The following PCNA variants were observed in gnomAD, a reference collection of about 807,000 sequenced individuals.
PCNA encodes DNA sliding clamp PCNA.
Under a neutral mutation model 27.8 loss-of-function variants are expected in PCNA, and 4 were observed. The ratio of observed to expected loss-of-function variants is 0.14; its 90% CI spans 0.07 to 0.33. PCNA has a LOEUF of 0.33. Ranked by LOEUF, PCNA falls within the 10% of genes least tolerant of loss-of-function variation. The pLI is 1.00. For missense variants in PCNA, 165 were observed against 327.4 expected (o/e 0.50, Z 3.83); for synonymous variants, 121 against 119.4 (o/e 1.01, Z -0.09).
At position 5,118,686 on chromosome 20, in the gene PCNA, A is replaced by G; in HGVS notation, c.320-9T>C. On this transcript the variant is annotated splice_polypyrimidine_tract_variant and intron_variant, in intron 2 of 5. Transcript: ENST00000379143. Reference sequence around the variant, plus strand: ...TGAAACTTTCTCCTGGTCTACCAAAAGAAAGCAGATGCTTTTGAGAAATAC... The same window carrying G: ...TGAAACTTTCTCCTGGTCTACCAAAGGAAAGCAGATGCTTTTGAGAAATAC... 1 of 1,613,290 alleles carries G rather than the reference A, an allele frequency of 6.2e-7. No individual in the cohort carries two copies. Among genetic ancestry groups the G allele is most frequent in the Non-Finnish European group, 8.5e-7 (1 of 1,179,178 alleles).
chr20:5,119,832 G>A lies in PCNA; in HGVS notation c.-34C>T. 3 of 1,510,092 alleles carry A rather than the reference G, an allele frequency of 2.0e-6. No homozygotes were observed. Among genetic ancestry groups the A allele is most frequent in the Non-Finnish European group, 2.7e-6 (3 of 1,111,066 alleles). The allele number at this position is 1,510,092 out of a possible 1,614,324, so 93.5% of individuals were successfully genotyped here. A position where few individuals can be genotyped will look rare whatever the true frequency, so the allele number is the denominator to read the frequency against. ...AGTGGCAACAACGCCGCTACAGGCA[G>A]GCGGGAAGGAGGAAAGTCTAGCTGG... On this transcript the variant is annotated 5_prime_UTR_variant, in exon 1 of 6. Transcript: ENST00000379143.
At chr20:5,119,331 A>G (rs1352655148) in intron 1 of PCNA, among the ~76,000 whole-genome samples, 1 of 152,184 alleles carries the variant, frequency 6.6e-6, no homozygotes. Context: ...GCACTGCGGA[A>G]AAACCCTTGA....
At chr20:5,118,459 G>T in intron 3 of PCNA, 151 bp downstream of exon 3, 1 of 609,240 alleles carries the variant, frequency 1.6e-6, no homozygotes, top group Non-Finnish European at 2.9e-6. Context: ...TTGAGCCCAG[G>T]AATCCCAGGT....
intron 3 of PCNA, 31 bp downstream of exon 3, chr20:5,118,579 G>C (rs538013831): frequency 7.0e-7 from 1 of 1,430,568 alleles, no homozygotes; most frequent in Admixed American, 1.7e-5. Context: ...CCTGTGTACA[G>C]CACTCTCTAC....
Position 5,125,236 on chromosome 20 carries a change from C to CAT in PCNA, c.-117+1262_-117+1263dup, listed in dbSNP as rs1396351915. ...ACACCTGTAGTCCAAGCTACTCGGG[C>CAT]ATATACTCATATAGAAATCAGGAAT... On this transcript the variant is annotated intron_variant, in intron 1 of 6. Transcript: ENST00000379160. 5.3e-5 allele frequency among the ~76,000 whole-genome samples: 8 copies of CAT among 152,298 alleles called. No individual in the cohort carries two copies. The East Asian group carries it at 1.5e-3, about 29-fold the overall frequency.
In PCNA at chr20:5,118,821, T is replaced by A; in HGVS notation, c.267A>T (p.Thr89=). ...TATCCGCGTTATCTTCGGCCCTTAG[T>A]GTAATGATATCTTCATTGCCGGCGC... ...LKCAGNEDII[T]LRAEDNADTL... The change falls in exon 2 of 6, where the codon ACA becomes ACT. Residue 89 remains threonine (T), a synonymous_variant. Coordinates refer to ENST00000379143, the MANE Select transcript of PCNA (RefSeq NM_182649.2). 1 of 1,614,050 alleles carries A rather than the reference T, an allele frequency of 6.2e-7. No homozygotes were observed. Among genetic ancestry groups the A allele is most frequent in the Non-Finnish European group, 8.5e-7 (1 of 1,179,916 alleles).
chr20:5,123,716 T>G (rs2090529886), upstream of PCNA, among the ~76,000 whole-genome samples: 1 of 151,904 alleles, frequency 6.6e-6, no homozygotes, highest in Admixed American at 6.6e-5. Context: ...AAAAGACTTT[T>G]CCTAATAATT....
At chr20:5,119,404 C>G (rs1044278021) in intron 1 of PCNA, among the ~76,000 whole-genome samples, 174 bp downstream of exon 1, 1 of 152,262 alleles carries the variant, frequency 6.6e-6, no homozygotes, top group African/African-American at 2.4e-5. Flanking sequence ...CAGCAGCCAG[C>G]GCGGGCTTTT....
rs3730435 is a variant in PCNA at position 5,116,651 on chromosome 20, C to T, written c.582+819G>A. Among the ~76,000 whole-genome samples, 64 of 152,166 alleles carry T rather than the reference C, an allele frequency of 4.2e-4. 1 individual carries two copies. In the South Asian group the frequency reaches 6.6e-3, roughly 16 times the overall value. The stretch of plus-strand genomic sequence containing the variant: ...AAGTTTTAATTTATGCCCAGGTTAG[C>T]GAGTTTTTTTTGTTTGTTTAAGATG... On this transcript the variant is annotated intron_variant, in intron 4 of 5. Transcript: ENST00000379143.
chr20:5,115,436 T>C lies in PCNA; in HGVS notation c.706+13A>G. 3 of 1,614,004 alleles carry C rather than the reference T, an allele frequency of 1.9e-6. No individual in the cohort carries two copies. Among genetic ancestry groups the C allele is most frequent in the Non-Finnish European group, 2.5e-6 (3 of 1,179,924 alleles). On this transcript the variant is annotated intron_variant, in intron 5 of 5. Coordinates refer to ENST00000379143, the MANE Select transcript of PCNA (RefSeq NM_182649.2). ...GACTACCTACAAAACAAGGTTCAAATTTATTATCTTACCAAGGGGTACATC... is the reference window on the plus strand; with the variant it reads ...GACTACCTACAAAACAAGGTTCAAACTTATTATCTTACCAAGGGGTACATC...
At chr20:5,124,673 AAGAG>A (rs1218127537), upstream of PCNA, among the ~76,000 whole-genome samples, 5 of 151,852 alleles carry the variant, frequency 3.3e-5, no homozygotes, top group Non-Finnish European at 7.4e-5. Flanking sequence ...AAAAAACGAA[AAGAG>A]AGAGAGAGAA....
chr20:5,124,256 C>T (rs1318155463), upstream of PCNA, among the ~76,000 whole-genome samples: 2 of 152,172 alleles, frequency 1.3e-5, no homozygotes, highest in African/African-American at 2.4e-5. Context: ...TAGAATTTTA[C>T]TTATTCTTTG....
At chr20:5,121,885 C>T (rs2090520435), upstream of PCNA, among the ~76,000 whole-genome samples, 1 of 152,072 alleles carries the variant, frequency 6.6e-6, no homozygotes, top group African/African-American at 2.4e-5. Context: ...ATCGGTCTCC[C>T]AAAGTGTGAG....
rs920539962 is a variant in PCNA, at chr20:5,119,014, T to A, written c.222-148A>T. ...AGCGGACTGCTGGAGGATGCCATTA[T>A]TAATGCAGACGTTTTGGGACGCATC... On this transcript the variant is annotated intron_variant, in intron 1 of 5. Transcript: ENST00000379143. 4.5e-5 allele frequency: 28 copies of A among 626,340 alleles called. 1 individual carries two copies. In the South Asian group the frequency reaches 5.1e-4, roughly 11 times the overall value. The allele number at this position is 626,340 out of a possible 1,614,324, so 38.8% of individuals were successfully genotyped here. A position where few individuals can be genotyped will look rare whatever the true frequency, so the allele number is the denominator to read the frequency against.
At chr20:5,120,816 T>A (rs1331707859), upstream of PCNA, among the ~76,000 whole-genome samples, 1 of 152,134 alleles carries the variant, frequency 6.6e-6, no homozygotes, top group Non-Finnish European at 1.5e-5. Flanking sequence ...TTTCTTTTCC[T>A]TTCTTTTTGA....
rs188335661 is a variant in PCNA, at chr20:5,115,613, G to A, written c.583-41C>T. On this transcript the variant is annotated intron_variant, in intron 4 of 5. Transcript: ENST00000379143. The stretch of plus-strand genomic sequence containing the variant: ...TTCATCATTGAAAAACATCAAGAAA[G>A]TTGCAATCTATTAGCTCATTATATA... 4.8e-4 allele frequency: 743 copies of A among 1,557,566 alleles called. 9 individuals carry two copies. The South Asian group carries it at 7.2e-3, about 15-fold the overall frequency.
chr20:5,121,386 C>CTTTTTTTTTT (rs10712798), upstream of PCNA: 16 of 97,208 alleles, frequency 1.6e-4, no homozygotes, highest in East Asian at 2.7e-4. Context: ...CCTTTCTTTC[C>CTTTTTTTTTT]TTTTTTTTTT....
In PCNA at chr20:5,119,692, T is replaced by A. The variant is rs769487182; in HGVS notation, c.107A>T (p.Asn36Ile). The change falls in exon 1 of 6, where the codon AAC becomes ATC. Residue 36 changes from asparagine (N) to isoleucine (I), a missense_variant. Physicochemically the swap from Asn to Ile is moderately radical, Grantham distance 149. Coordinates refer to ENST00000379143, the MANE Select transcript of PCNA (RefSeq NM_182649.2). ...GTGGGACGAGTCCATGCTCTGCAGG[T>A]TTACACCGCTGGAGCTAATATCCCA... Reference protein sequence around the residue: ...ACWDISSSGVNLQSMDSSHVS... With the variant: ...ACWDISSSGVILQSMDSSHVS... 2.1e-5 allele frequency: 34 copies of A among 1,609,816 alleles called. No individual in the cohort carries two copies. Among genetic ancestry groups the A allele is most frequent in the Non-Finnish European group, 2.9e-5 (34 of 1,178,372 alleles).
Position 5,119,767 on chromosome 20 carries a change from A to T in PCNA, c.32T>A (p.Ile11Asn). The T allele has an allele frequency of 6.3e-7, 1 of 1,579,884 alleles. No individual in the cohort carries two copies. MFEARLVQGSILKKVLEALKD... is the reference protein window; with the variant it reads MFEARLVQGSNLKKVLEALKD... Reference sequence around the variant, plus strand: ...GAGTGCCTCCAACACCTTCTTGAGGATGGAGCCCTGGACCAGGCGCGCCTC... The same window carrying T: ...GAGTGCCTCCAACACCTTCTTGAGGTTGGAGCCCTGGACCAGGCGCGCCTC... The change falls in exon 1 of 6, where the codon ATC (isoleucine) becomes AAC (asparagine). Residue 11 changes from isoleucine to asparagine, a missense_variant. Ile to Asn is a moderately radical substitution (Grantham distance 149). Coordinates refer to ENST00000379143, the MANE Select transcript of PCNA (RefSeq NM_182649.2).
Sources: allele counts gnomAD v4.1 joint callset (sites outside exome capture counted in the v4.1 genomes callset), GRCh38; gene constraint gnomAD v4.1.1; transcripts MANE v1.5; gene names NCBI Gene and HGNC (gene_info 2026-07-23, HGNC 2026-07-21).